Variants in FGF12 observed in about 807,000 individuals in gnomAD.
The protein encoded by FGF12 is fibroblast growth factor 12B.
FGF12 carries 14 observed loss-of-function variants against 23.6 expected under a neutral mutation model. The ratio of observed to expected loss-of-function variants is 0.59; its 90% CI spans 0.39 to 0.93. The LOEUF (loss-of-function observed/expected upper bound fraction) is 0.93, where lower values mean the gene tolerates loss of function less well. Among genes scored for constraint, FGF12 ranks in the 40% least tolerant of loss-of-function variants. The pLI is 0.00. For missense variants in FGF12, 175 were observed against 217.8 expected (o/e 0.80, Z 1.24); for synonymous variants, 62 against 77.3 (o/e 0.80, Z 1.04).
chr3:192,496,905 T>A (rs559607679), intron 2 of FGF12, among the ~76,000 whole-genome samples: 1 of 152,342 alleles, frequency 6.6e-6, no homozygotes, highest in African/African-American at 2.4e-5. Context: ...GATGGCTAAA[T>A]ATAGAACATT....
chr3:192,254,509 C>T (rs1486505732), intron 4 of FGF12, among the ~76,000 whole-genome samples: 2 of 151,918 alleles, frequency 1.3e-5, no homozygotes, highest in African/African-American at 2.4e-5. Context: ...AATATTGACA[C>T]ACAACATAGG....
chr3:192,640,903 C>T (rs1409537647), intron 2 of FGF12, among the ~76,000 whole-genome samples: 1 of 152,012 alleles, frequency 6.6e-6, no homozygotes, highest in Non-Finnish European at 1.5e-5. Context: ...CCCTCAATCT[C>T]CTGGCCTTCA....
intron 2 of FGF12, among the ~76,000 whole-genome samples, chr3:192,589,362 TA>T (rs1560161265): frequency 6.6e-6 from 1 of 151,612 alleles, no homozygotes; most frequent in Non-Finnish European, 1.5e-5. Context: ...TAAAATTTTT[TA>T]AAAAAAGAAA....
chr3:192,661,327 G>T lies in FGF12; in HGVS notation c.13+65854C>A, dbSNP rs569245036. On this transcript the variant is annotated intron_variant, in intron 2 of 5. Coordinates refer to ENST00000445105, the MANE Select transcript of FGF12 (RefSeq NM_004113.6). Reference sequence around the variant, plus strand: ...ACTTGAGGTCAGGAGTTTGAGACCAGCCTGACCAACAGGGTGAAACCCCAT... The same window carrying T: ...ACTTGAGGTCAGGAGTTTGAGACCATCCTGACCAACAGGGTGAAACCCCAT... Among the ~76,000 whole-genome samples the T allele has an allele frequency of 5.4e-4, 82 of 152,324 alleles. No homozygotes were observed. In the South Asian group the frequency reaches 0.017, roughly 32 times the overall value.
intron 2 of FGF12, among the ~76,000 whole-genome samples, chr3:192,375,314 C>A (rs1224346646): frequency 6.6e-6 from 1 of 151,888 alleles, no homozygotes; most frequent in Non-Finnish European, 1.5e-5. Flanking sequence ...ATTATTTTAT[C>A]CTTATGTTCC....
At chr3:192,170,377 T>C (rs1335100220) in intron 5 of FGF12, 81 bp downstream of exon 5, 1 of 1,176,308 alleles carries the variant, frequency 8.5e-7, no homozygotes, top group African/African-American at 1.5e-5. Flanking sequence ...AGGCAAACTC[T>C]CTGGACCAAA....
intron 5 of FGF12, among the ~76,000 whole-genome samples, chr3:192,166,462 C>G (rs562113465): frequency 6.6e-6 from 1 of 152,342 alleles, no homozygotes; most frequent in African/African-American, 2.4e-5. Context: ...CTACATCTTT[C>G]TCAGACCTCA....
At chr3:192,163,828 A>AGTGTGTGTGT (rs35349561) in intron 5 of FGF12, among the ~76,000 whole-genome samples, 3,164 of 149,444 alleles carry the variant, frequency 0.021, 101 homozygotes, top group African/African-American at 0.07. Flanking sequence ...AGTGTGTGTG[A>AGTGTGTGTGT]GTGTGTGTGT....
At position 192,674,499 on chromosome 3, in the gene FGF12, C is replaced by T. The variant is rs75506282; in HGVS notation, c.13+52682G>A. On this transcript the variant is annotated intron_variant, in intron 2 of 5. Coordinates refer to ENST00000445105, the MANE Select transcript of FGF12 (RefSeq NM_004113.6). ...AGGCCCATACTCTGTAATTAAAGGA[C>T]GGTTTCGAACTTCTGAGTACTCATT... Among the ~76,000 whole-genome samples the T allele has an allele frequency of 6.8e-4, 104 of 152,222 alleles. 1 individual carries two copies. In the East Asian group the frequency reaches 8.5e-3, roughly 12 times the overall value.
At chr3:192,270,632 C>A (rs1442125520) in intron 4 of FGF12, among the ~76,000 whole-genome samples, 1 of 152,108 alleles carries the variant, frequency 6.6e-6, no homozygotes, top group Non-Finnish European at 1.5e-5. Flanking sequence ...GTATCCTTCA[C>A]TATTTCAGCA....
chr3:192,603,420 C>A (rs576698022), intron 2 of FGF12, among the ~76,000 whole-genome samples: 1 of 152,122 alleles, frequency 6.6e-6, no homozygotes, highest in African/African-American at 2.4e-5. Flanking sequence ...ATCAAGTACA[C>A]AATTCCATTT....
At chr3:192,710,795 T>C (rs1038631323) in intron 2 of FGF12, among the ~76,000 whole-genome samples, 3 of 152,190 alleles carry the variant, frequency 2.0e-5, no homozygotes, top group African/African-American at 7.2e-5. Flanking sequence ...CTCTGCATAG[T>C]GGACAGAGTG....
At chr3:192,167,761 ATATATATAAAATTTTTTTT>A (rs1157100469) in intron 5 of FGF12, among the ~76,000 whole-genome samples, 3 of 33,464 alleles carry the variant, frequency 9.0e-5, no homozygotes, top group South Asian at 2.8e-3. Flanking sequence ...ATATATATAT[ATATATATAAAATTTTTTTT>A]TTTTTTTTTT....
chr3:192,465,778 T>C (rs902006122), intron 2 of FGF12, among the ~76,000 whole-genome samples: 4 of 152,120 alleles, frequency 2.6e-5, no homozygotes, highest in Non-Finnish European at 5.9e-5. Context: ...GGAAGAAACA[T>C]TGTATACATG....
At chr3:192,227,180 C>T (rs549281642) in intron 4 of FGF12, among the ~76,000 whole-genome samples, 1 of 152,116 alleles carries the variant, frequency 6.6e-6, no homozygotes, top group Non-Finnish European at 1.5e-5. Context: ...CATACATATA[C>T]AATAAAGGAA....
chr3:192,363,675 C>T (rs1718844773), intron 2 of FGF12, among the ~76,000 whole-genome samples: 1 of 152,150 alleles, frequency 6.6e-6, no homozygotes, highest in African/African-American at 2.4e-5. Context: ...TCCTACCAAC[C>T]TTTCCAGGTT....
intron 2 of FGF12, among the ~76,000 whole-genome samples, chr3:192,579,244 TAAAGA>T (rs1255529757): frequency 2.0e-5 from 3 of 152,136 alleles, no homozygotes; most frequent in African/African-American, 7.2e-5. Flanking sequence ...CTGTTTCCAA[TAAAGA>T]AAATTAAGAT....
intron 2 of FGF12, among the ~76,000 whole-genome samples, chr3:192,640,069 A>T (rs951376009): frequency 2.0e-5 from 3 of 151,822 alleles, no homozygotes; most frequent in Non-Finnish European, 4.4e-5. Context: ...GGGGCACGGG[A>T]TGGGAATGGG....
intron 2 of FGF12, among the ~76,000 whole-genome samples, chr3:192,632,435 A>G (rs567586322): frequency 2.0e-5 from 3 of 152,228 alleles, no homozygotes; most frequent in Non-Finnish European, 4.4e-5. Flanking sequence ...GTAAAGACTT[A>G]CAAAATTTTG....
Sources: allele counts gnomAD v4.1 joint callset (sites outside exome capture counted in the v4.1 genomes callset), GRCh38; gene constraint gnomAD v4.1.1; transcripts MANE v1.5; gene names NCBI Gene and HGNC (gene_info 2026-07-23, HGNC 2026-07-21).